Variants in TMED8 observed in about 807,000 individuals in gnomAD.
TMED8 encodes protein TMED8.
A neutral mutation model predicts 32.7 loss-of-function variants in TMED8; 15 were observed. That is an observed-to-expected ratio of 0.46 (90% CI 0.31 to 0.71). The LOEUF (loss-of-function observed/expected upper bound fraction) is 0.71. TMED8 is among the 30% of genes least tolerant of loss of function. The pLI is 0.06. For synonymous variants in TMED8, 147 were observed against 161.4 expected, an observed-to-expected ratio of 0.91 and a Z score of 0.68; for missense variants, 390 against 423.9, an observed-to-expected ratio of 0.92 and a Z score of 0.70.
rs1291963898 is a variant in TMED8 at position 77,376,008 on chromosome 14, G to T, written c.118+928C>A. On this transcript the variant is annotated intron_variant, in intron 1 of 5. Coordinates refer to ENST00000216468, the MANE Select transcript of TMED8 (RefSeq NM_213601.3). The surrounding 1 kb of genome is among the most constrained non-coding windows in gnomAD (Gnocchi z 4.0). The stretch of plus-strand genomic sequence containing the variant: ...TGCCTCAACCATTATACTTTATGGT[G>T]TCTATTTTAATTTCAGACCTAGAAA... Among the ~76,000 whole-genome samples, 1 of 152,212 alleles carries T rather than the reference G, an allele frequency of 6.6e-6. No individual in the cohort carries two copies. The highest frequency in any genetic ancestry group is 1.5e-5 in the Non-Finnish European group (1 of 68,046).
In TMED8 at chr14:77,343,181, C is replaced by T; in HGVS notation, c.757G>A (p.Glu253Lys). 6.2e-7 allele frequency: 1 copy of T among 1,611,480 alleles called. No individual in the cohort carries two copies. Among genetic ancestry groups the T allele is most frequent in the Non-Finnish European group, 8.5e-7 (1 of 1,178,124 alleles). Reference sequence around the variant, plus strand: ...ATTAGGTTAAAATTAAATTTACCTTCAATCTCTTCCTCCTCTTCCTCTTCT... The same window carrying T: ...ATTAGGTTAAAATTAAATTTACCTTTAATCTCTTCCTCCTCTTCCTCTTCT... ...DEEEEEEEEI[E>K]EPVPAGDVER... Residue 253 changes from glutamate (E) to lysine (K), a missense_variant, in exon 5 of 6, where the codon GAA (glutamate) becomes AAA (lysine). Transcript: ENST00000216468.
At chr14:77,343,857 G>GA (rs1892970145) in intron 3 of TMED8, 34 bp from the exon 4 acceptor site, 1 of 1,593,080 alleles carries the variant, frequency 6.3e-7, no homozygotes, top group African/African-American at 1.3e-5. Context: ...AGGAGTATTC[G>GA]AGTGGCAGAT....
chr14:77,355,707 A>G (rs1487517360), intron 1 of TMED8, among the ~76,000 whole-genome samples: 1 of 152,258 alleles, frequency 6.6e-6, no homozygotes, highest in East Asian at 1.9e-4. Context: ...ATGATGTTCT[A>G]TTGGCATTAT....
At chr14:77,349,529 C>G (rs1353478206) in intron 2 of TMED8, among the ~76,000 whole-genome samples, 1 of 152,180 alleles carries the variant, frequency 6.6e-6, no homozygotes. Flanking sequence ...CCCAAGTACT[C>G]TCCCACTTGA....
chr14:77,341,867 G>C lies in TMED8; in HGVS notation c.882C>G (p.Asp294Glu). The change falls in exon 6 of 6, where the codon GAC becomes GAG. Residue 294 changes from aspartate (D) to glutamate (E), a missense_variant. Coordinates refer to ENST00000216468, the MANE Select transcript of TMED8 (RefSeq NM_213601.3). ...GCAGGTAGATGCCCTCACCAGGGTA[G>C]TCATGGCTGCCAGCCTGCACGTCTC... ...SHRDVQAGSH[D>E]YPGEGIYLLK... is the part of the protein sequence containing the mutation. 6.2e-7 allele frequency: 1 copy of C among 1,613,928 alleles called. No individual in the cohort carries two copies. Among genetic ancestry groups the C allele is most frequent in the Non-Finnish European group, 8.5e-7 (1 of 1,180,008 alleles).
At chr14:77,344,576 C>G (rs1892983931) in intron 3 of TMED8, among the ~76,000 whole-genome samples, 1 of 152,202 alleles carries the variant, frequency 6.6e-6, no homozygotes, top group African/African-American at 2.4e-5. Flanking sequence ...GGTGAGTTTC[C>G]CTTCAAATCA....
Position 77,376,809 on chromosome 14 carries a change from G to T in TMED8, c.118+127C>A, listed in dbSNP as rs1254989581. 6 of 476,276 alleles carry T rather than the reference G, an allele frequency of 1.3e-5. No individual in the cohort carries two copies. The highest frequency in any genetic ancestry group is 2.0e-5 in the African/African-American group (1 of 49,366). 29.5% of individuals were successfully genotyped at this position (476,276 alleles called of 1,614,324 possible). ...GCGGCGGGGAAGGGGCCCCGCGCGC[G>T]AAGGGGCTGCCGAGGTGGGTCCGCT... is the stretch of plus-strand genomic sequence containing the variant. On this transcript the variant is annotated intron_variant, in intron 1 of 5. Coordinates refer to ENST00000216468, the MANE Select transcript of TMED8 (RefSeq NM_213601.3). This position sits in a 1 kb window ranked among gnomAD's most constrained non-coding sequence, Gnocchi z 4.0.
intron 2 of TMED8, among the ~76,000 whole-genome samples, chr14:77,350,985 T>A (rs1893161932): frequency 6.6e-6 from 1 of 152,186 alleles, no homozygotes; most frequent in African/African-American, 2.4e-5. Context: ...AGCCTCCGCT[T>A]TAAGCTTCTG....
chr14:77,359,895 A>C (rs1475860592), intron 1 of TMED8: 1 of 154,964 alleles, frequency 6.5e-6, no homozygotes, highest in Non-Finnish European at 1.4e-5. Flanking sequence ...TATGACAAAT[A>C]ATAGAAAAAA....
chr14:77,335,344 A>C lies in TMED8; in HGVS notation c.*6427T>G, dbSNP rs1892736531. The stretch of plus-strand genomic sequence containing the variant: ...ACATGTAAAACAAGCTGACCATAAT[A>C]AATGATTAGTTGGGATACTTTTGTA... On this transcript the variant is annotated 3_prime_UTR_variant, in exon 6 of 6. Transcript: ENST00000216468. The C allele has an allele frequency of 6.6e-6, 1 of 152,234 alleles. No individual in the cohort carries two copies. Among genetic ancestry groups the C allele is most frequent in the Non-Finnish European group, 1.5e-5 (1 of 68,032 alleles). 9.4% of individuals were successfully genotyped at this position (152,234 alleles called of 1,614,324 possible).
rs1174239139 is a variant in TMED8 at position 77,343,430 on chromosome 14, C to G, written c.508G>C (p.Glu170Gln). 2 of 1,613,836 alleles carry G rather than the reference C, an allele frequency of 1.2e-6. No individual in the cohort carries two copies. Among genetic ancestry groups the G allele is most frequent in the Admixed American group, 3.3e-5 (2 of 59,976 alleles). ...PCIWTFAKVK[E>Q]FKSKLGKEKN... ...TCTTTGCCCAGCTTGCTTTTGAATT[C>G]CTTCACCTTGGCAAAGGTCCAGATG... Residue 170 changes from glutamate (E) to glutamine (Q), a missense_variant, in exon 5 of 6, where the codon GAA (glutamate) becomes CAA (glutamine). Glu to Gln is a conservative substitution (Grantham distance 29). Coordinates refer to ENST00000216468, the MANE Select transcript of TMED8 (RefSeq NM_213601.3).
intron 2 of TMED8, among the ~76,000 whole-genome samples, chr14:77,349,856 C>T (rs764520495): frequency 1.3e-5 from 2 of 152,164 alleles, no homozygotes; most frequent in Admixed American, 6.5e-5. Context: ...TTAAAAGTGC[C>T]GTGGGCCTGG....
rs547671420 is a variant in TMED8 at position 77,365,598 on chromosome 14, G to A, written c.118+11338C>T. Among the ~76,000 whole-genome samples, 13 of 152,292 alleles carry A rather than the reference G, an allele frequency of 8.5e-5. No homozygotes were observed. The South Asian group carries it at 2.7e-3, about 32-fold the overall frequency. ...CCGTGGCAGCTCAGTGTGGCTGGAGGCCACTGCACCAATGCAGAGAGATGA... is the reference window on the plus strand; with the variant it reads ...CCGTGGCAGCTCAGTGTGGCTGGAGACCACTGCACCAATGCAGAGAGATGA... On this transcript the variant is annotated intron_variant, in intron 1 of 5. Coordinates refer to ENST00000216468, the MANE Select transcript of TMED8 (RefSeq NM_213601.3).
intron 2 of TMED8, among the ~76,000 whole-genome samples, chr14:77,347,295 TC>T (rs1893070611): frequency 6.6e-6 from 1 of 152,190 alleles, no homozygotes. Context: ...AAAATGATGA[TC>T]AAGGCAACCC....
chr14:77,350,792 C>T (rs1893158746), intron 2 of TMED8, among the ~76,000 whole-genome samples: 2 of 151,996 alleles, frequency 1.3e-5, no homozygotes, highest in African/African-American at 4.8e-5. Context: ...GCCTGGGCAA[C>T]AAAGCAAGAC....
chr14:77,366,873 T>C (rs985187466), intron 1 of TMED8, among the ~76,000 whole-genome samples: 12 of 152,248 alleles, frequency 7.9e-5, no homozygotes, highest in African/African-American at 2.2e-4. Context: ...CAAATACGAA[T>C]AGAAGTGATA....
At chr14:77,357,692 T>C (rs1205630869) in intron 1 of TMED8, among the ~76,000 whole-genome samples, 1 of 152,252 alleles carries the variant, frequency 6.6e-6, no homozygotes, top group African/African-American at 2.4e-5. Context: ...TCCTCAAAGT[T>C]GGCTCTTGTG....
At chr14:77,345,659 C>CAAAAAAAAAA in intron 3 of TMED8, among the ~76,000 whole-genome samples, 1 of 103,210 alleles carries the variant, frequency 9.7e-6, no homozygotes, top group Non-Finnish European at 1.9e-5. Flanking sequence ...ACCTTTGTCT[C>CAAAAAAAAAA]AAAAAAAAAA....
Sources: allele counts gnomAD v4.1 joint callset (sites outside exome capture counted in the v4.1 genomes callset), GRCh38; gene constraint gnomAD v4.1.1; non-coding constraint Gnocchi (gnomAD v3.1); transcripts MANE v1.5; gene names NCBI Gene and HGNC (gene_info 2026-07-23, HGNC 2026-07-21).